FARS2: variants seen among roughly 807,000 people sequenced by gnomAD.
The protein encoded by FARS2 is phenylalanine--tRNA ligase, mitochondrial.
In FARS2, 40 loss-of-function variants were observed where a neutral mutation model predicts 46.4. That is an observed-to-expected ratio of 0.86 (90% CI 0.67 to 1.12). The LOEUF is 1.12. Among genes scored for constraint, FARS2 ranks in the 50% most tolerant of loss-of-function variants. The pLI is 0.00. For missense variants in FARS2, 513 were observed against 567.9 expected (o/e 0.90, Z 0.98); for synonymous variants, 234 against 214.9 (o/e 1.09, Z -0.78).
intron 3 of FARS2, among the ~76,000 whole-genome samples, chr6:5,423,800 G>A (rs1459854707): frequency 1.3e-5 from 2 of 152,122 alleles, no homozygotes; most frequent in African/African-American, 2.4e-5. Context: ...TATATATGGC[G>A]CTCTTAAAGA....
At chr6:5,463,422 A>T (rs920830715) in intron 4 of FARS2, among the ~76,000 whole-genome samples, 2 of 151,302 alleles carry the variant, frequency 1.3e-5, no homozygotes, top group African/African-American at 4.9e-5. Flanking sequence ...GTGTGGATCT[A>T]CTTTCATCCA....
chr6:5,359,815 G>A (rs1263188818), intron 1 of FARS2, among the ~76,000 whole-genome samples: 1 of 152,228 alleles, frequency 6.6e-6, no homozygotes, highest in Non-Finnish European at 1.5e-5. Context: ...ATGGTAAGGG[G>A]CTGCTGGGGT....
chr6:5,359,440 T>A (rs1344448661), intron 1 of FARS2, among the ~76,000 whole-genome samples: 1 of 152,230 alleles, frequency 6.6e-6, no homozygotes, highest in Non-Finnish European at 1.5e-5. Flanking sequence ...TAGACTTATT[T>A]TTTTAAAAAG....
intron 5 of FARS2, among the ~76,000 whole-genome samples, chr6:5,587,139 T>C (rs1414912703): frequency 2.0e-5 from 3 of 152,254 alleles, no homozygotes; most frequent in African/African-American, 7.2e-5. Context: ...TCAATTCATT[T>C]AACCTTTTTG....
At chr6:5,615,528 A>G (rs886775185) in intron 6 of FARS2, among the ~76,000 whole-genome samples, 2 of 152,202 alleles carry the variant, frequency 1.3e-5, no homozygotes, top group African/African-American at 2.4e-5. Context: ...AAATTGCTTC[A>G]CTACATTTTA....
chr6:5,454,532 T>C (rs1582152084), intron 4 of FARS2, among the ~76,000 whole-genome samples: 1 of 151,554 alleles, frequency 6.6e-6, no homozygotes, highest in Non-Finnish European at 1.5e-5. Context: ...TTTTAGTAGA[T>C]ATGGGGTTTC....
rs943898032 is a variant in FARS2, at chr6:5,765,588, A to G, written c.1218-5703A>G. On this transcript the variant is annotated intron_variant, in intron 6 of 6. Coordinates refer to ENST00000274680, the MANE Select transcript of FARS2 (RefSeq NM_006567.5). This position sits in a 1 kb window ranked among gnomAD's most constrained non-coding sequence, Gnocchi z 4.0. ...CTGTACTAGACAAACAGCGCGTGTC[A>G]GTGTTCTCGGGGAGGTGGGAGAAAT... is the stretch of plus-strand genomic sequence containing the variant. Among the ~76,000 whole-genome samples the G allele has an allele frequency of 1.3e-5, 2 of 152,080 alleles. No individual in the cohort carries two copies. The highest frequency in any genetic ancestry group is 2.9e-5 in the Non-Finnish European group (2 of 67,996).
intron 5 of FARS2, chr6:5,609,565 CA>C: frequency 1.6e-6 from 2 of 1,287,064 alleles, no homozygotes; most frequent in South Asian, 2.4e-5. Context: ...CCACTGAAAC[CA>C]CCTCCACGAC....
upstream of FARS2, among the ~76,000 whole-genome samples, chr6:5,259,936 A>C (rs1159137839): frequency 6.6e-6 from 1 of 152,240 alleles, no homozygotes; most frequent in Non-Finnish European, 1.5e-5. Flanking sequence ...TAACAATAAA[A>C]GACTCATAGG....
chr6:5,501,614 C>T (rs1370618629), intron 4 of FARS2, among the ~76,000 whole-genome samples: 1 of 152,160 alleles, frequency 6.6e-6, no homozygotes, highest in Non-Finnish European at 1.5e-5. Context: ...CATGGCTCAG[C>T]CTCCTGAGTA....
intron 6 of FARS2, among the ~76,000 whole-genome samples, chr6:5,634,871 A>G (rs1776468107): frequency 6.6e-6 from 1 of 152,140 alleles, no homozygotes; most frequent in Non-Finnish European, 1.5e-5. Context: ...CTGAGCTTTC[A>G]TCATGATTTC....
intron 6 of FARS2, among the ~76,000 whole-genome samples, chr6:5,691,633 GT>G (rs2150863976): frequency 6.6e-6 from 1 of 152,326 alleles, no homozygotes; most frequent in African/African-American, 2.4e-5. Flanking sequence ...CTACTCAGGG[GT>G]CAGGGACCCA....
At chr6:5,267,159 T>A (rs1039636983) in intron 1 of FARS2, among the ~76,000 whole-genome samples, 1 of 147,164 alleles carries the variant, frequency 6.8e-6, no homozygotes, top group Non-Finnish European at 1.5e-5. Context: ...TTTTTTTTCT[T>A]AAAAAAAAAA....
chr6:5,611,855 G>A (rs996331702), intron 5 of FARS2, among the ~76,000 whole-genome samples: 7 of 152,176 alleles, frequency 4.6e-5, no homozygotes, highest in Non-Finnish European at 1.0e-4. Flanking sequence ...CTCAGGAAGT[G>A]TGGTACCTCA....
chr6:5,501,615 C>T (rs757577881), intron 4 of FARS2, among the ~76,000 whole-genome samples: 1 of 152,128 alleles, frequency 6.6e-6, no homozygotes, highest in Non-Finnish European at 1.5e-5. Context: ...ATGGCTCAGC[C>T]TCCTGAGTAG....
chr6:5,372,264 GAC>G (rs1228880575), intron 2 of FARS2, among the ~76,000 whole-genome samples: 3 of 152,084 alleles, frequency 2.0e-5, no homozygotes, highest in Admixed American at 2.0e-4. Flanking sequence ...TAAAGATACA[GAC>G]AGTCTGAAAA....
chr6:5,381,014 A>AT (rs11375613), intron 2 of FARS2, among the ~76,000 whole-genome samples: 19,991 of 100,212 alleles, frequency 0.2, 3,342 homozygotes, highest in African/African-American at 0.45. Flanking sequence ...TTATTTATTT[A>AT]TTATGAGACA....
In FARS2 at chr6:5,727,953, G is replaced by C. The variant is rs868726708; in HGVS notation, c.1218-43338G>C. Among the ~76,000 whole-genome samples, 2 of 152,202 alleles carry C rather than the reference G, an allele frequency of 1.3e-5. No individual in the cohort carries two copies. Among genetic ancestry groups the C allele is most frequent in the Admixed American group, 6.5e-5 (1 of 15,274 alleles). On this transcript the variant is annotated intron_variant, in intron 6 of 6. Transcript: ENST00000274680. The surrounding 1 kb of genome is among the most constrained non-coding windows in gnomAD (Gnocchi z 4.1). ...ATGACGCTGTTAGAGGGGAAGTGTTGGGGTGAAAGGTCCCTGGGAGCTTCG... is the reference window on the plus strand; with the variant it reads ...ATGACGCTGTTAGAGGGGAAGTGTTCGGGTGAAAGGTCCCTGGGAGCTTCG...
intron 6 of FARS2, among the ~76,000 whole-genome samples, chr6:5,770,108 G>A (rs755911754): frequency 2.6e-5 from 4 of 152,232 alleles, no homozygotes; most frequent in Admixed American, 6.5e-5. Context: ...ATGAAGTGTC[G>A]GGAGGACCCT....
Sources: gnomAD v4.1 joint callset for allele counts (sites outside exome capture counted in the v4.1 genomes callset) on GRCh38, gnomAD v4.1.1 for gene constraint, Gnocchi (gnomAD v3.1) non-coding constraint, MANE v1.5 for transcripts, NCBI Gene and HGNC (gene_info 2026-07-23, HGNC 2026-07-21) for gene names.